Variants in STK36 observed in about 807,000 individuals in gnomAD.
STK36 encodes the protein serine/threonine kinase 36.
In STK36, 116 loss-of-function variants were observed where a neutral mutation model predicts 142.2. That is an observed-to-expected ratio of 0.82 (90% CI 0.70 to 0.95). The LOEUF (loss-of-function observed/expected upper bound fraction) is 0.95. Ranked by LOEUF, STK36 falls within the 40% of genes least tolerant of loss-of-function variation. STK36 has a pLI of 0.00. For synonymous variants in STK36, 619 were observed against 641.7 expected, an observed-to-expected ratio of 0.96 and a Z score of 0.53; for missense variants, 1,422 against 1,617.2, an observed-to-expected ratio of 0.88 and a Z score of 2.07.
At chr2:218,695,296 G>A (rs1176886805) in intron 21 of STK36, among the ~76,000 whole-genome samples, 3 of 143,520 alleles carry the variant, frequency 2.1e-5, no homozygotes, top group African/African-American at 7.9e-5. Flanking sequence ...CGCGATCTCG[G>A]CTCACCGCAA....
chr2:218,675,594 C>G lies in STK36; in HGVS notation c.434+121C>G, dbSNP rs1335637930. The G allele has an allele frequency of 3.3e-5, 40 of 1,200,246 alleles. No homozygotes were observed. In the South Asian group the frequency reaches 5.9e-4, roughly 18 times the overall value. The allele number at this position is 1,200,246 out of a possible 1,614,324, so 74.3% of individuals were successfully genotyped here. ...GGCTGAAGTGCAATGGTGCGATCTC[C>G]ACTCACCACAACCTCTGCCTCCCGG... On this transcript the variant is annotated intron_variant, in intron 5 of 26. Transcript: ENST00000295709.
intron 4 of STK36, 21 bp downstream of exon 4, chr2:218,673,977 T>C (rs767403055): frequency 3.8e-5 from 61 of 1,608,778 alleles, no homozygotes; most frequent in Non-Finnish European, 5.2e-5. Context: ...TGCCTTCAAC[T>C]TCTCCCCACC....
chr2:218,681,355 G>A (rs1940512469), intron 10 of STK36, among the ~76,000 whole-genome samples: 1 of 152,162 alleles, frequency 6.6e-6, no homozygotes, highest in Admixed American at 6.5e-5. Flanking sequence ...ACAAACTCCT[G>A]ACCTCAGGTG....
At chr2:218,681,446 G>GT (rs945231830) in intron 10 of STK36, among the ~76,000 whole-genome samples, 4 of 151,736 alleles carry the variant, frequency 2.6e-5, no homozygotes, top group African/African-American at 4.8e-5. Flanking sequence ...TTATTAATAT[G>GT]TTTTTTTTGA....
intron 11 of STK36, among the ~76,000 whole-genome samples, chr2:218,686,270 A>G (rs1940774613): frequency 6.7e-6 from 1 of 149,266 alleles, no homozygotes; most frequent in Non-Finnish European, 1.5e-5. Context: ...TTTATTTTTA[A>G]TTTTTGAGAT....
chr2:218,672,120 T>G lies in STK36; in HGVS notation c.-185T>G. ...TGATGGCCCTGAGGCAGTTCGGATGTGTCCCAGGAAGTGCCCATGTGTGGT... is the reference window on the plus strand; with the variant it reads ...TGATGGCCCTGAGGCAGTTCGGATGGGTCCCAGGAAGTGCCCATGTGTGGT... On this transcript the variant is annotated 5_prime_UTR_variant, in exon 1 of 27. Transcript: ENST00000295709. The G allele has an allele frequency of 1.1e-6, 1 of 909,608 alleles. No homozygotes were observed. The highest frequency in any genetic ancestry group is 1.7e-6 in the Non-Finnish European group (1 of 585,558). 56.3% of individuals were successfully genotyped at this position (909,608 alleles called of 1,614,324 possible).
In STK36 at chr2:218,694,725, G is replaced by A; in HGVS notation, c.2511+90G>A. 1 of 1,138,964 alleles carries A rather than the reference G, an allele frequency of 8.8e-7. No individual in the cohort carries two copies. The highest frequency in any genetic ancestry group is 1.3e-5 in the South Asian group (1 of 75,266). 70.6% of individuals were successfully genotyped at this position (1,138,964 alleles called of 1,614,324 possible). On this transcript the variant is annotated intron_variant, in intron 21 of 26. Transcript: ENST00000295709. The surrounding 1 kb of genome is among the most constrained non-coding windows in gnomAD (Gnocchi z 4.4). ...GGGGAAAAGACTGAAATGCCAGCAA[G>A]CCTGGAGTAAACTGAGGAATGGAAA...
intron 23 of STK36, 107 bp from the exon 24 acceptor site, chr2:218,697,356 T>A (rs1312457872): frequency 4.6e-6 from 7 of 1,527,128 alleles, no homozygotes; most frequent in East Asian, 2.3e-5. Context: ...AGAGCTGCTC[T>A]AAGATGGGGA....
In STK36 at chr2:218,679,226, T is replaced by G; in HGVS notation, c.743T>G (p.Leu248Arg). 6.2e-7 allele frequency: 1 copy of G among 1,614,214 alleles called. No individual in the cohort carries two copies. The highest frequency in any genetic ancestry group is 8.5e-7 in the Non-Finnish European group (1 of 1,180,026). ...CGGCAGCGACTGTCCTGGCCAGACC[T>G]CTTATATCACCCCTTTATTGCTGGT... ...DPRQRLSWPDLLYHPFIAGHV... is the reference protein window; with the variant it reads ...DPRQRLSWPDRLYHPFIAGHV... Residue 248 changes from leucine (L) to arginine (R), a missense_variant, in exon 7 of 27, where the codon CTC (leucine) becomes CGC (arginine). Coordinates refer to ENST00000295709, the MANE Select transcript of STK36 (RefSeq NM_015690.5).
chr2:218,672,793 T>C lies in STK36; in HGVS notation c.-37T>C. ...TGGATCTATAGCTCTTCACCGTCTCTACTTTCTTCCTTCTAAGAGATCCTG... is the reference window on the plus strand; with the variant it reads ...TGGATCTATAGCTCTTCACCGTCTCCACTTTCTTCCTTCTAAGAGATCCTG... On this transcript the variant is annotated 5_prime_UTR_variant, in exon 2 of 27. Coordinates refer to ENST00000295709, the MANE Select transcript of STK36 (RefSeq NM_015690.5). 3 of 1,605,656 alleles carry C rather than the reference T, an allele frequency of 1.9e-6. No individual in the cohort carries two copies. Among genetic ancestry groups the C allele is most frequent in the Non-Finnish European group, 2.6e-6 (3 of 1,172,436 alleles).
intron 7 of STK36, 44 bp downstream of exon 7, chr2:218,679,305 T>C: frequency 3.2e-6 from 5 of 1,557,468 alleles, no homozygotes; most frequent in South Asian, 1.1e-5. Context: ...TCCCAGTACT[T>C]CCTCTAAACT....
chr2:218,688,360 A>G (rs756511058), intron 11 of STK36: 11 of 495,586 alleles, frequency 2.2e-5, no homozygotes, highest in South Asian at 1.7e-4. Context: ...TTTCAGAAGC[A>G]TGTGCGGTGC....
At chr2:218,682,185 C>T (rs993042179) in intron 10 of STK36, among the ~76,000 whole-genome samples, 2 of 152,132 alleles carry the variant, frequency 1.3e-5, no homozygotes, top group African/African-American at 4.8e-5. Flanking sequence ...CCTCGGCCTC[C>T]CAAAGTGCTG....
intron 4 of STK36, among the ~76,000 whole-genome samples, chr2:218,674,847 G>T (rs931365973): frequency 6.6e-6 from 1 of 152,110 alleles, no homozygotes. Context: ...TGATCTGCCC[G>T]CCTCAGCCTC....
intron 21 of STK36, 59 bp from the exon 22 acceptor site, chr2:218,696,468 G>A (rs1028253603): frequency 6.0e-6 from 9 of 1,504,360 alleles, no homozygotes; most frequent in Middle Eastern, 1.7e-4. Context: ...ACCTGCCTTG[G>A]TTTAACGGAC....
At position 218,676,120 on chromosome 2, in the gene STK36, C is replaced by G. The variant is rs1940230755; in HGVS notation, c.526C>G (p.Pro176Ala). 6.2e-7 allele frequency: 1 copy of G among 1,614,044 alleles called. No individual in the cohort carries two copies. Among genetic ancestry groups the G allele is most frequent in the African/African-American group, 1.3e-5 (1 of 74,930 alleles). Residue 176 changes from proline to alanine, a missense_variant, in exon 6 of 27, where the codon CCA (proline) becomes GCA (alanine). Coordinates refer to ENST00000295709, the MANE Select transcript of STK36 (RefSeq NM_015690.5). ...GTCTCCAGAGCTGGTGGAGGAGCGA[C>G]CATACGACCACACAGCGGACCTCTG... ...YMSPELVEER[P>A]YDHTADLWSV...
chr2:218,699,050 G>T lies in STK36; in HGVS notation c.3506G>T (p.Arg1169Leu). 6.2e-7 allele frequency: 1 copy of T among 1,614,084 alleles called. No individual in the cohort carries two copies. Reference protein sequence around the residue: ...LGLGDKDPVVRCSASFAVGNA... With the variant: ...LGLGDKDPVVLCSASFAVGNA... ...CTTGGAGACAAGGATCCTGTTGTGC[G>T]GTGCAGTGCCAGCTTTGCTGTGGGC... The change falls in exon 26 of 27, where the codon CGG (arginine) becomes CTG (leucine). Residue 1169 changes from arginine to leucine, a missense_variant. This residue lies in a region of STK36 where 962 missense variants were observed against 1,167.5 expected (regional missense o/e 0.82). Transcript: ENST00000295709.
chr2:218,694,738 T>A lies in STK36; in HGVS notation c.2511+103T>A. 1 of 983,548 alleles carries A rather than the reference T, an allele frequency of 1.0e-6. No homozygotes were observed. The highest frequency in any genetic ancestry group is 1.5e-6 in the Non-Finnish European group (1 of 645,734). The allele number at this position is 983,548 out of a possible 1,614,324, so 60.9% of individuals were successfully genotyped here. ...AAATGCCAGCAAGCCTGGAGTAAAC[T>A]GAGGAATGGAAAAGGAATCAAGGAG... On this transcript the variant is annotated intron_variant, in intron 21 of 26. Transcript: ENST00000295709. This position sits in a 1 kb window ranked among gnomAD's most constrained non-coding sequence, Gnocchi z 4.4.
intron 1 of STK36, 24 bp downstream of exon 1, chr2:218,672,239 C>A: frequency 1.8e-6 from 1 of 546,856 alleles, no homozygotes; most frequent in Non-Finnish European, 3.3e-6. Flanking sequence ...CCGAAAGAGA[C>A]CGGAGGGAGA....
Sources: allele counts gnomAD v4.1 joint callset (sites outside exome capture counted in the v4.1 genomes callset), GRCh38; gene constraint gnomAD v4.1.1; regional missense constraint gnomAD v4.1.1; non-coding constraint Gnocchi (gnomAD v3.1); transcripts MANE v1.5; gene names NCBI Gene and HGNC (gene_info 2026-07-23, HGNC 2026-07-21).